Variants in PBRM1 observed in about 807,000 individuals in gnomAD.
PBRM1 encodes polybromo 1.
Under a neutral mutation model 194.5 loss-of-function variants are expected in PBRM1, and 27 were observed. The ratio of observed to expected loss-of-function variants is 0.14; its 90% CI spans 0.10 to 0.19. The LOEUF is 0.19. PBRM1 is among the 10% of genes least tolerant of loss of function. The pLI, the probability that PBRM1 is intolerant of heterozygous loss-of-function variation, is 1.00. For synonymous variants in PBRM1, 655 were observed against 693.2 expected, an observed-to-expected ratio of 0.94 and a Z score of 0.87; for missense variants, 1,466 against 2,077.2, an observed-to-expected ratio of 0.71 and a Z score of 5.72.
chr3:52,548,051 G>GT lies in PBRM1; in HGVS notation c.*11dup, dbSNP rs754305466. The GT allele has an allele frequency of 9.4e-6, 15 of 1,600,300 alleles. No individual in the cohort carries two copies. The African/African-American group carries it at 1.2e-4, about 13-fold the overall frequency. ...CTTTATGCTTCTATATAAAAGAAAC[G>GT]TAATGATGTGATTAAACATTTTCTA... On this transcript the variant is annotated 3_prime_UTR_variant, in exon 30 of 30. Coordinates refer to ENST00000296302, the Ensembl canonical transcript of PBRM1.
At chr3:52,607,687 T>G (rs71299610) in intron 16 of PBRM1, among the ~76,000 whole-genome samples, 9,109 of 151,880 alleles carry the variant, frequency 0.06, 361 homozygotes, top group Non-Finnish European at 0.085. Flanking sequence ...GAAAGCAGAG[T>G]TTGTTTTGCC....
intron 22 of PBRM1, among the ~76,000 whole-genome samples, chr3:52,572,655 C>G (rs1463788396): frequency 6.6e-6 from 1 of 152,072 alleles, no homozygotes; most frequent in African/African-American, 2.4e-5. Context: ...GGATTATAGG[C>G]GTGAGCCATT....
intron 18 of PBRM1, 65 bp downstream of exon 20, chr3:52,589,005 A>G (rs2092746608): frequency 1.7e-6 from 2 of 1,179,834 alleles, no homozygotes; most frequent in Non-Finnish European, 2.5e-6. Context: ...TTCTTCCCTG[A>G]GGAGCAAGGA....
intron 4 of PBRM1, among the ~76,000 whole-genome samples, chr3:52,659,319 T>C (rs998764189): frequency 4.6e-5 from 7 of 152,250 alleles, no homozygotes; most frequent in Non-Finnish European, 5.9e-5. Context: ...TCATTTTTTG[T>C]ACATATAAAA....
At chr3:52,657,722 G>A (rs1161154503) in intron 5 of PBRM1, among the ~76,000 whole-genome samples, 1 of 151,870 alleles carries the variant, frequency 6.6e-6, no homozygotes, top group Non-Finnish European at 1.5e-5. Flanking sequence ...TGCCTGTCTT[G>A]GCCTCCCAAA....
intron 5 of PBRM1, among the ~76,000 whole-genome samples, chr3:52,656,600 G>C (rs555634496): frequency 6.6e-6 from 1 of 152,342 alleles, no homozygotes; most frequent in African/African-American, 2.4e-5. Context: ...GGGAGGCGGA[G>C]GTTGCAGTGA....
At chr3:52,676,554 C>G (rs2097109182) in intron 2 of PBRM1, among the ~76,000 whole-genome samples, 1 of 152,194 alleles carries the variant, frequency 6.6e-6, no homozygotes, top group Non-Finnish European at 1.5e-5. Flanking sequence ...AGTTAAACCT[C>G]TTTTTCTTCC....
At chr3:52,557,229 T>G (rs1158041186) in intron 26 of PBRM1, among the ~76,000 whole-genome samples, 1 of 152,192 alleles carries the variant, frequency 6.6e-6, no homozygotes, top group African/African-American at 2.4e-5. Flanking sequence ...CTTTGGCGAG[T>G]GCAACTGCTG....
upstream of PBRM1, among the ~76,000 whole-genome samples, chr3:52,682,409 G>A (rs1371403937): frequency 6.8e-6 from 1 of 147,990 alleles, no homozygotes; most frequent in Non-Finnish European, 1.5e-5. Context: ...CATTTTGGCA[G>A]GAGTTCAAAA....
At chr3:52,660,960 G>T (rs1326239263) in intron 4 of PBRM1, among the ~76,000 whole-genome samples, 1 of 152,188 alleles carries the variant, frequency 6.6e-6, no homozygotes, top group Non-Finnish European at 1.5e-5. Context: ...CAATTTAGCT[G>T]TAGAAAAGAG....
intron 2 of PBRM1, among the ~76,000 whole-genome samples, chr3:52,677,869 C>CT (rs2097140134): frequency 6.6e-6 from 1 of 151,972 alleles, no homozygotes; most frequent in African/African-American, 2.4e-5. Context: ...GGTCAGTACT[C>CT]TTTTTTAAAT....
intron 13 of PBRM1, 38 bp from the exon 15 acceptor site, chr3:52,624,979 AC>A: frequency 6.9e-7 from 1 of 1,446,770 alleles, no homozygotes; most frequent in South Asian, 1.2e-5. Context: ...GTAAAGAGAA[AC>A]AAAACAAGCA....
At chr3:52,595,236 G>T (rs777161673) in intron 17 of PBRM1, among the ~76,000 whole-genome samples, 1 of 151,806 alleles carries the variant, frequency 6.6e-6, no homozygotes, top group Non-Finnish European at 1.5e-5. Context: ...GATGACCTTG[G>T]GTGTTTGATT....
At chr3:52,653,178 C>T (rs779257740) in intron 5 of PBRM1, among the ~76,000 whole-genome samples, 1 of 152,146 alleles carries the variant, frequency 6.6e-6, no homozygotes, top group Non-Finnish European at 1.5e-5. Context: ...TCATAAGGAT[C>T]TGTAAGAAGT....
downstream of PBRM1, chr3:52,546,562 C>T (rs1296666008): frequency 4.3e-6 from 1 of 230,030 alleles, no homozygotes. Flanking sequence ...CATCTGGGTA[C>T]TGATTCATAG....
At chr3:52,666,990 G>GA (rs2096852045) in intron 3 of PBRM1, among the ~76,000 whole-genome samples, 1 of 152,006 alleles carries the variant, frequency 6.6e-6, no homozygotes, top group African/African-American at 2.4e-5. Flanking sequence ...TAAAAGGACA[G>GA]AAACAGATCC....
At chr3:52,637,778 A>AAAAAAAAAAAAAAAAT (rs2095879407) in intron 10 of PBRM1, among the ~76,000 whole-genome samples, 2 of 141,926 alleles carry the variant, frequency 1.4e-5, no homozygotes, top group Non-Finnish European at 3.1e-5. Flanking sequence ...AAATACAAAA[A>AAAAAAAAAAAAAAAAT]AAAAAAAAAA....
At chr3:52,684,577 T>C (rs1196380326), upstream of PBRM1, among the ~76,000 whole-genome samples, 1 of 152,240 alleles carries the variant, frequency 6.6e-6, no homozygotes, top group African/African-American at 2.4e-5. Flanking sequence ...ATTTATGCCT[T>C]AGTTACCTAT....
intron 6 of PBRM1, among the ~76,000 whole-genome samples, chr3:52,649,204 AC>A (rs1181595685): frequency 6.6e-6 from 1 of 152,176 alleles, no homozygotes. Context: ...GGGACTACCA[AC>A]AACTACGCAT....
Sources: gnomAD v4.1 joint callset for allele counts (sites outside exome capture counted in the v4.1 genomes callset) on GRCh38, gnomAD v4.1.1 for gene constraint, MANE v1.5 for transcripts, NCBI Gene and HGNC (gene_info 2026-07-23, HGNC 2026-07-21) for gene names.